The following FRAS1 variants were observed in gnomAD, a reference collection of about 807,000 sequenced individuals.
The protein encoded by FRAS1 is extracellular matrix organizing protein FRAS1.
In FRAS1, 290 loss-of-function variants were observed where a neutral mutation model predicts 435.2. The ratio of observed to expected loss-of-function variants is 0.67; its 90% CI spans 0.61 to 0.73. The LOEUF (loss-of-function observed/expected upper bound fraction) is 0.73, where lower values mean the gene tolerates loss of function less well. Among genes scored for constraint, FRAS1 ranks in the 30% least tolerant of loss-of-function variants. The pLI is 0.00. For missense variants in FRAS1, 4,860 were observed against 5,001.5 expected (o/e 0.97, Z 0.85); for synonymous variants, 1,800 against 1,851.0 (o/e 0.97, Z 0.71).
chr4:78,476,047 C>T (rs186028077), intron 54 of FRAS1, among the ~76,000 whole-genome samples: 3 of 152,064 alleles, frequency 2.0e-5, no homozygotes, highest in Non-Finnish European at 2.9e-5. Context: ...TTGAGAGAAG[C>T]GGATGGATTT....
At chr4:78,319,018 C>T in intron 18 of FRAS1, 32 bp downstream of exon 18, 2 of 1,607,200 alleles carry the variant, frequency 1.2e-6, no homozygotes, top group African/African-American at 1.3e-5. Flanking sequence ...GTTAGGTAGC[C>T]TCTGGGCTTA....
intron 47 of FRAS1, among the ~76,000 whole-genome samples, chr4:78,453,778 CAG>C (rs1489582783): frequency 7.6e-6 from 1 of 132,034 alleles, no homozygotes; most frequent in Non-Finnish European, 1.6e-5. Context: ...AGCTTGGTGA[CAG>C]AGCAAGACCC....
Position 78,464,026 on chromosome 4 carries a change from C to T in FRAS1, c.6769C>T (p.Gln2257Ter), listed in dbSNP as rs1234795201. 6.2e-7 allele frequency: 1 copy of T among 1,612,872 alleles called. No homozygotes were observed. Among genetic ancestry groups the T allele is most frequent in the Admixed American group, 1.7e-5 (1 of 60,000 alleles). ...HLEHAASPGI[Q>*]ISSFTQADLT... ...CTCTTTTCCCCTTTTTCTAGGTATC[C>T]AGATTAGTTCCTTTACTCAAGCTGA... The change falls in exon 48 of 74, where the codon CAG becomes TAG. Residue 2257 changes from glutamine (Q) to a stop codon, truncating the protein, a stop_gained. Transcript: ENST00000512123. LOFTEE classifies it high-confidence loss of function.
intron 61 of FRAS1, among the ~76,000 whole-genome samples, chr4:78,503,785 T>C (rs1462915494): frequency 6.6e-6 from 1 of 152,228 alleles, no homozygotes; most frequent in East Asian, 1.9e-4. Context: ...CTTGCTTCTC[T>C]AATCCTTTTA....
chr4:78,344,857 A>T (rs917873917), intron 20 of FRAS1, among the ~76,000 whole-genome samples: 4 of 152,196 alleles, frequency 2.6e-5, no homozygotes, highest in African/African-American at 9.7e-5. Flanking sequence ...ATTTCACTCC[A>T]CATTTACTTT....
At chr4:78,302,998 G>T (rs947134555) in intron 14 of FRAS1, among the ~76,000 whole-genome samples, 1 of 152,036 alleles carries the variant, frequency 6.6e-6, no homozygotes, top group African/African-American at 2.4e-5. Context: ...TAGGACTAAC[G>T]TTTAAGTCTT....
At chr4:78,450,380 G>C (rs375528953) in intron 45 of FRAS1, 41 bp downstream of exon 45, 9 of 1,491,640 alleles carry the variant, frequency 6.0e-6, no homozygotes, top group African/African-American at 2.8e-5. Flanking sequence ...TCCGTGGACT[G>C]CACCTACACT....
chr4:78,293,278 T>C (rs1258664759), intron 14 of FRAS1, among the ~76,000 whole-genome samples: 1 of 152,250 alleles, frequency 6.6e-6, no homozygotes, highest in Non-Finnish European at 1.5e-5. Context: ...ACATGCCGTA[T>C]ACTTCTGAAT....
chr4:78,299,803 A>G (rs1305984247), intron 14 of FRAS1, among the ~76,000 whole-genome samples: 1 of 152,146 alleles, frequency 6.6e-6, no homozygotes, highest in Non-Finnish European at 1.5e-5. Flanking sequence ...CTCACTTTCC[A>G]TTCATCATTT....
At chr4:78,238,437 A>G (rs1724853049) in intron 3 of FRAS1, among the ~76,000 whole-genome samples, 1 of 151,540 alleles carries the variant, frequency 6.6e-6, no homozygotes, top group Middle Eastern at 3.2e-3. Flanking sequence ...CTGTCAATTT[A>G]AAAAGTTTAT....
chr4:78,395,412 T>C (rs1732617984), intron 29 of FRAS1, among the ~76,000 whole-genome samples: 1 of 152,044 alleles, frequency 6.6e-6, no homozygotes, highest in South Asian at 2.1e-4. Flanking sequence ...TCGATTTCTT[T>C]ATTGATTTTC....
At chr4:78,121,820 T>C (rs1719042505) in intron 2 of FRAS1, among the ~76,000 whole-genome samples, 1 of 152,158 alleles carries the variant, frequency 6.6e-6, no homozygotes, top group Admixed American at 6.6e-5. Flanking sequence ...TCACACAGAA[T>C]AGTCATCAAT....
intron 20 of FRAS1, among the ~76,000 whole-genome samples, chr4:78,341,909 C>T (rs967510287): frequency 6.6e-6 from 1 of 152,126 alleles, no homozygotes; most frequent in Non-Finnish European, 1.5e-5. Flanking sequence ...GAGCTTGTCT[C>T]CTCTCTCAGT....
Position 78,519,180 on chromosome 4 carries a change from TAAG to T in FRAS1, c.10390-150_10390-148del. ...CCATTAGTTCCTTTATTTTTTTAAA[TAAG>T]TAAGTGCAATCATGGGCACTTGCTT... On this transcript the variant is annotated intron_variant, in intron 66 of 73. Coordinates refer to ENST00000512123, the MANE Select transcript of FRAS1 (RefSeq NM_025074.7). 2.5e-5 allele frequency: 10 copies of T among 396,740 alleles called. 2 individuals are homozygous for T. The highest frequency in any genetic ancestry group is 6.5e-5 in the South Asian group (1 of 15,292). The allele number at this position is 396,740 out of a possible 1,614,324, so 24.6% of individuals were successfully genotyped here.
At chr4:78,447,580 G>A (rs2109832867) in intron 43 of FRAS1, among the ~76,000 whole-genome samples, 1 of 152,206 alleles carries the variant, frequency 6.6e-6, no homozygotes. Context: ...TGCGGTACAT[G>A]ACCCTTGAGA....
At chr4:78,410,050 G>T (rs917355997) in intron 31 of FRAS1, among the ~76,000 whole-genome samples, 43 of 152,188 alleles carry the variant, frequency 2.8e-4, no homozygotes, top group Admixed American at 2.1e-3. Flanking sequence ...TTCATTTTTA[G>T]CACCTGGGGA....
chr4:78,501,326 A>G (rs565635125), intron 61 of FRAS1, among the ~76,000 whole-genome samples: 1 of 152,266 alleles, frequency 6.6e-6, no homozygotes, highest in East Asian at 1.9e-4. Flanking sequence ...ATAGCATTCC[A>G]TGGTATATAT....
At chr4:78,488,200 G>C (rs915463934) in intron 58 of FRAS1, among the ~76,000 whole-genome samples, 12 of 152,158 alleles carry the variant, frequency 7.9e-5, no homozygotes, top group African/African-American at 2.9e-4. Context: ...TTTAGTCTGT[G>C]GACATGCTTT....
At chr4:78,487,221 A>G (rs953396235) in intron 58 of FRAS1, among the ~76,000 whole-genome samples, 3 of 152,166 alleles carry the variant, frequency 2.0e-5, no homozygotes, top group Non-Finnish European at 2.9e-5. Flanking sequence ...TCCTTTAGGT[A>G]TAGTGTTCTT....
Sources: allele counts gnomAD v4.1 joint callset (sites outside exome capture counted in the v4.1 genomes callset), GRCh38; gene constraint gnomAD v4.1.1; transcripts MANE v1.5; gene names NCBI Gene and HGNC (gene_info 2026-07-23, HGNC 2026-07-21).